IFIH1: variants seen among roughly 807,000 people sequenced by gnomAD.
The protein encoded by IFIH1 is interferon induced with helicase C domain 1.
IFIH1 carries 125 observed loss-of-function variants against 107.4 expected under a neutral mutation model. The observed-to-expected ratio is 1.16, with a 90% CI of 1.01 to 1.35. IFIH1 has a LOEUF of 1.35. Among genes scored for constraint, IFIH1 ranks in the 40% most tolerant of loss-of-function variants. The pLI is 0.00. For synonymous variants in IFIH1, 458 were observed against 413.2 expected (o/e 1.11, Z -1.31); for missense variants, 1,333 against 1,213.7 (o/e 1.10, Z -1.46).
rs775136299 is a variant in IFIH1 at position 162,318,338 on chromosome 2, C to T, written c.-31G>A. ...TTTCTCAGAGAAGGGAGAGGGTTCT[C>T]CCAAGCAGATGGTGCTGTTGTCTGC... On this transcript the variant is annotated 5_prime_UTR_variant, in exon 1 of 16. Coordinates refer to ENST00000649979, the MANE Select transcript of IFIH1 (RefSeq NM_022168.4). The T allele has an allele frequency of 1.9e-5, 30 of 1,574,208 alleles. No individual in the cohort carries two copies. The Middle Eastern group carries it at 7.8e-4, about 41-fold the overall frequency.
intron 4 of IFIH1, 47 bp downstream of exon 4, chr2:162,293,517 C>A: frequency 8.5e-7 from 1 of 1,174,984 alleles, no homozygotes; most frequent in Non-Finnish European, 1.3e-6. Flanking sequence ...CACTATATGG[C>A]GTCTTATTTC....
chr2:162,283,780 T>A, intron 5 of IFIH1, among the ~76,000 whole-genome samples: 1 of 151,896 alleles, frequency 6.6e-6, no homozygotes, highest in East Asian at 1.9e-4. Flanking sequence ...ACTTTATTAT[T>A]TAGTGGAAAT....
In IFIH1 at chr2:162,318,085, A is replaced by T. The variant is rs750844573; in HGVS notation, c.223T>A (p.Trp75Arg). 6.2e-7 allele frequency: 1 copy of T among 1,614,206 alleles called. No homozygotes were observed. The highest frequency in any genetic ancestry group is 8.5e-7 in the Non-Finnish European group (1 of 1,180,032). ...TLEKGVWHLG[W>R]TREFVEALRR... ...AGGGCCTCCACGAATTCCCGAGTCC[A>T]ACCAAGGTGCCAGACTCCCTTCTCC... Residue 75 changes from tryptophan (W) to arginine (R), a missense_variant, in exon 1 of 16, where the codon TGG (tryptophan) becomes AGG (arginine). Trp to Arg is a moderately radical substitution (Grantham distance 101). Transcript: ENST00000649979.
At chr2:162,317,554 A>G (rs1683522531) in intron 1 of IFIH1, among the ~76,000 whole-genome samples, 1 of 152,244 alleles carries the variant, frequency 6.6e-6, no homozygotes, top group Non-Finnish European at 1.5e-5. Context: ...CATGAACTGT[A>G]GTAATACATT....
In IFIH1 at chr2:162,282,402, A is replaced by T; in HGVS notation, c.1270T>A (p.Leu424Met). Reference sequence around the variant, plus strand: ...ACACCAGCATCTTCTCCATTTTCCAAGTTTAAGAGGGAGTTTTCAAGGATT... The same window carrying T: ...ACACCAGCATCTTCTCCATTTTCCATGTTTAAGAGGGAGTTTTCAAGGATT... ...AQILENSLLN[L>M]ENGEDAGVQL... The change falls in exon 6 of 16, where the codon TTG becomes ATG. Residue 424 changes from leucine to methionine, a missense_variant. Transcript: ENST00000649979. 1 of 1,611,278 alleles carries T rather than the reference A, an allele frequency of 6.2e-7. No homozygotes were observed. The highest frequency in any genetic ancestry group is 8.5e-7 in the Non-Finnish European group (1 of 1,178,350).
At chr2:162,269,033 T>G (rs2105188762) in intron 13 of IFIH1, among the ~76,000 whole-genome samples, 1 of 152,382 alleles carries the variant, frequency 6.6e-6, no homozygotes, top group East Asian at 1.9e-4. Flanking sequence ...TTTCATGCTT[T>G]ATAATTTTCA....
In IFIH1 at chr2:162,306,762, C is replaced by T. The variant is rs1241546628; in HGVS notation, c.716G>A (p.Gly239Asp). Residue 239 changes from glycine (G) to aspartate (D), a missense_variant, in exon 3 of 16, where the codon GGC becomes GAC. Gly to Asp is a moderately conservative substitution (Grantham distance 94). Transcript: ENST00000649979. The part of the protein sequence containing the change: ...VQPNLEKEVW[G>D]MENNSSESSF... ...TGATTCTGATGAGTTATTCTCCATGCCCCAGACCTCCTTCTCCAGATTTGG... is the reference window on the plus strand; with the variant it reads ...TGATTCTGATGAGTTATTCTCCATGTCCCAGACCTCCTTCTCCAGATTTGG... The T allele has an allele frequency of 6.2e-7, 1 of 1,613,828 alleles. No individual in the cohort carries two copies. The highest frequency in any genetic ancestry group is 8.5e-7 in the Non-Finnish European group (1 of 1,179,818).
chr2:162,301,939 A>T (rs1683200478), intron 3 of IFIH1, among the ~76,000 whole-genome samples: 1 of 152,204 alleles, frequency 6.6e-6, no homozygotes, highest in African/African-American at 2.4e-5. Flanking sequence ...GGTAATTTGG[A>T]AAAGGGCAAA....
In IFIH1 at chr2:162,288,155, C is replaced by G. The variant is rs760272821; in HGVS notation, c.1075G>C (p.Val359Leu). ...AATACCTTATTGACAAGAACTATAA[C>G]TTTTCCAGGCTCAGATGCTTTTTTC... ...KKKKASEPGK[V>L]IVLVNKVLLV... The change falls in exon 5 of 16, where the codon GTT (valine) becomes CTT (leucine). Residue 359 changes from valine (V) to leucine (L), a missense_variant. Coordinates refer to ENST00000649979, the MANE Select transcript of IFIH1 (RefSeq NM_022168.4). 5.0e-6 allele frequency: 8 copies of G among 1,611,096 alleles called. No homozygotes were observed. The highest frequency in any genetic ancestry group is 2.7e-5 in the African/African-American group (2 of 74,726).
intron 3 of IFIH1, among the ~76,000 whole-genome samples, chr2:162,301,395 G>A (rs1162822232): frequency 6.6e-6 from 1 of 152,130 alleles, no homozygotes; most frequent in Non-Finnish European, 1.5e-5. Context: ...CCAATCTGAG[G>A]CATTTGCATT....
At position 162,318,131 on chromosome 2, in the gene IFIH1, A is replaced by G. The variant is rs115500208; in HGVS notation, c.177T>C (p.Val59=). The G allele has an allele frequency of 1.3e-3, 2,054 of 1,614,170 alleles. 15 individuals carry two copies. The African/African-American group carries it at 0.025, about 19-fold the overall frequency. ...TCTCCAAGGTGCTCAGCAGCAGTTC[A>G]ACTGCCTGCATGTTCCCGGAGGTGG... ...TVATSGNMQA[V]ELLLSTLEKG... Residue 59 remains valine, a synonymous_variant, in exon 1 of 16, where the codon GTT becomes GTC. Transcript: ENST00000649979.
chr2:162,280,448 GTA>G (rs1227484369), intron 7 of IFIH1, among the ~76,000 whole-genome samples: 1 of 151,996 alleles, frequency 6.6e-6, no homozygotes, highest in Non-Finnish European at 1.5e-5. Flanking sequence ...CATGGAAAGA[GTA>G]TAACAATTTA....
chr2:162,273,975 G>A (rs778112401), intron 11 of IFIH1, 31 bp from the exon 12 acceptor site: 8 of 1,474,514 alleles, frequency 5.4e-6, no homozygotes, highest in East Asian at 2.3e-5. Context: ...ATTAAATTTT[G>A]TGATGCTAAA....
chr2:162,268,371 G>A, intron 13 of IFIH1, 94 bp from the exon 14 acceptor site: 1 of 739,878 alleles, frequency 1.4e-6, no homozygotes, highest in Non-Finnish European at 2.2e-6. Flanking sequence ...GGTCTTAGTT[G>A]TGAAAATATA....
intron 1 of IFIH1, among the ~76,000 whole-genome samples, chr2:162,315,490 G>A (rs1331777891): frequency 2.0e-5 from 3 of 152,140 alleles, no homozygotes; most frequent in African/African-American, 4.8e-5. Context: ...GTAACCAGAT[G>A]AATGGTTACA....
intron 13 of IFIH1, among the ~76,000 whole-genome samples, chr2:162,270,069 A>C (rs1440683518): frequency 6.6e-6 from 1 of 152,198 alleles, no homozygotes; most frequent in South Asian, 2.1e-4. Context: ...AAGTGTATGG[A>C]TTTGTAATCA....
intron 8 of IFIH1, among the ~76,000 whole-genome samples, chr2:162,279,791 T>C (rs2105200105): frequency 6.6e-6 from 1 of 152,156 alleles, no homozygotes; most frequent in Admixed American, 6.6e-5. Context: ...CTATTCCTCA[T>C]GTAAATTAGA....
intron 4 of IFIH1, among the ~76,000 whole-genome samples, chr2:162,292,654 C>G (rs1683014983): frequency 6.6e-6 from 1 of 151,776 alleles, no homozygotes; most frequent in African/African-American, 2.4e-5. Flanking sequence ...ACAACTCAAT[C>G]ACAAATGAAG....
chr2:162,274,905 T>C (rs10200223), intron 11 of IFIH1, among the ~76,000 whole-genome samples: 14,278 of 152,168 alleles, frequency 0.094, 2,278 homozygotes, highest in African/African-American at 0.33. Flanking sequence ...TCAGAGGCAG[T>C]GTGAGTCCTT....
Sources: gnomAD v4.1 joint callset for allele counts (sites outside exome capture counted in the v4.1 genomes callset) on GRCh38, gnomAD v4.1.1 for gene constraint, MANE v1.5 for transcripts, NCBI Gene and HGNC (gene_info 2026-07-23, HGNC 2026-07-21) for gene names.